Variants in RELT observed in about 807,000 individuals in gnomAD.
The protein encoded by RELT is tumor necrosis factor receptor superfamily member 19L.
Under a neutral mutation model 51.1 loss-of-function variants are expected in RELT, and 37 were observed. That is an observed-to-expected ratio of 0.72 (90% CI 0.56 to 0.95). The LOEUF (loss-of-function observed/expected upper bound fraction) is 0.95, where lower values mean the gene tolerates loss of function less well. RELT is among the 40% of genes least tolerant of loss of function. The pLI, the probability that RELT is intolerant of heterozygous loss-of-function variation, is 0.00. For missense variants in RELT, 535 were observed against 572.6 expected (o/e 0.93, Z 0.67); for synonymous variants, 241 against 235.7 (o/e 1.02, Z -0.21).
chr11:73,377,274 G>GTGTGTGTGTGTGTT (rs1865983398), intron 1 of RELT, among the ~76,000 whole-genome samples: 1 of 151,886 alleles, frequency 6.6e-6, no homozygotes, highest in African/African-American at 2.4e-5. Flanking sequence ...GTGTCAGTGT[G>GTGTGTGTGTGTGTT]TGTGTGTGTG....
In RELT at chr11:73,393,826, C is replaced by T; in HGVS notation, c.626-11C>T. On this transcript the variant is annotated splice_polypyrimidine_tract_variant and intron_variant, in intron 6 of 10. Coordinates refer to ENST00000064780, the MANE Select transcript of RELT (RefSeq NM_152222.2). ...CCTCTTCCCCAGGATCAGGGCCCTT[C>T]TCTTCCCCAGGAATCAACCCTGCCT... is the stretch of plus-strand genomic sequence containing the variant. 1 of 1,613,742 alleles carries T rather than the reference C, an allele frequency of 6.2e-7. No individual in the cohort carries two copies. Among genetic ancestry groups the T allele is most frequent in the South Asian group, 1.1e-5 (1 of 91,068 alleles).
At position 73,392,341 on chromosome 11, in the gene RELT, C is replaced by T. The variant is rs137866810; in HGVS notation, c.498C>T (p.Ile166=). ...PEETAAQYAV[I]AIVPVFCLMG... ...AGACAGCCGCCCAGTACGCGGTCAT[C>T]GCCATCGTCCCTGTCTTCTGCCTCA... is the stretch of plus-strand genomic sequence containing the variant. Residue 166 remains isoleucine (I), a synonymous_variant, in exon 6 of 11, where the codon ATC becomes ATT. Coordinates refer to ENST00000064780, the MANE Select transcript of RELT (RefSeq NM_152222.2). The T allele has an allele frequency of 3.5e-5, 56 of 1,613,772 alleles. No homozygotes were observed. The African/African-American group carries it at 6.4e-4, about 18-fold the overall frequency.
intron 1 of RELT, among the ~76,000 whole-genome samples, chr11:73,385,043 G>A (rs921826583): frequency 1.3e-5 from 2 of 152,088 alleles, no homozygotes; most frequent in South Asian, 2.1e-4. Context: ...GCGTCACGAC[G>A]CCATCCTGAG....
At position 73,394,068 on chromosome 11, in the gene RELT, T is replaced by C; in HGVS notation, c.706+151T>C. 3 of 928,656 alleles carry C rather than the reference T, an allele frequency of 3.2e-6. No individual in the cohort carries two copies. Among genetic ancestry groups the C allele is most frequent in the Non-Finnish European group, 5.1e-6 (3 of 590,524 alleles). The allele number at this position is 928,656 out of a possible 1,614,324, so 57.5% of individuals were successfully genotyped here. On this transcript the variant is annotated intron_variant, in intron 7 of 10. Coordinates refer to ENST00000064780, the MANE Select transcript of RELT (RefSeq NM_152222.2). This position sits in a 1 kb window ranked among gnomAD's most constrained non-coding sequence, Gnocchi z 4.9. ...AGCCTGGTGCTCTCTGACCCAGGAG[T>C]GCACACCTCTGCCTCCCATTCTTGC...
Position 73,393,856 on chromosome 11 carries a change from G to T in RELT, c.645G>T (p.Arg215=). Residue 215 remains arginine, a synonymous_variant, in exon 7 of 11, where the codon CGG becomes CGT. Coordinates refer to ENST00000064780, the MANE Select transcript of RELT (RefSeq NM_152222.2). ...CCCCAGGAATCAACCCTGCCTACCGGACTGAGGATGCCAATGAGGACACCA... is the reference window on the plus strand; with the variant it reads ...CCCCAGGAATCAACCCTGCCTACCGTACTGAGGATGCCAATGAGGACACCA... The part of the protein sequence containing the change: ...GGGSGINPAY[R]TEDANEDTIG... 1.2e-6 allele frequency: 2 copies of T among 1,614,080 alleles called. No individual in the cohort carries two copies. Among genetic ancestry groups the T allele is most frequent in the East Asian group, 2.2e-5 (1 of 44,874 alleles).
chr11:73,379,052 A>G (rs78504473), intron 1 of RELT, among the ~76,000 whole-genome samples: 9,696 of 152,198 alleles, frequency 0.064, 962 homozygotes, highest in African/African-American at 0.22. Context: ...TGTTCTTCCC[A>G]GAGACCCCTT....
chr11:73,393,547 G>A (rs1247298044), intron 6 of RELT: 11 of 1,347,140 alleles, frequency 8.2e-6, no homozygotes, highest in African/African-American at 5.9e-5. Context: ...AGACGCTGAC[G>A]CACCGCCCCC....
chr11:73,395,319 C>G (rs762085969), intron 10 of RELT, 34 bp downstream of exon 10: 23 of 1,608,626 alleles, frequency 1.4e-5, no homozygotes, highest in Admixed American at 1.2e-4. Context: ...CTGTTGGCAC[C>G]TGGGCCAACC....
In RELT at chr11:73,395,157, G is replaced by T. The variant is rs990049158; in HGVS notation, c.1117G>T (p.Ala373Ser). Residue 373 changes from alanine to serine, a missense_variant, in exon 10 of 11, where the codon GCT (alanine) becomes TCT (serine). Coordinates refer to ENST00000064780, the MANE Select transcript of RELT (RefSeq NM_152222.2). ...GTCTGAGGTGAAGACCATCACGGAG[G>T]CTGGGCCCTCGTGGGGTGATCTCCC... ...MVSEVKTITE[A>S]GPSWGDLPDS... is the part of the protein sequence containing the mutation. 4 of 1,613,562 alleles carry T rather than the reference G, an allele frequency of 2.5e-6. No individual in the cohort carries two copies. The South Asian group carries it at 3.3e-5, about 13-fold the overall frequency.
intron 5 of RELT, 41 bp from the exon 6 acceptor site, chr11:73,392,170 C>T: frequency 6.3e-7 from 1 of 1,597,876 alleles, no homozygotes; most frequent in Admixed American, 1.7e-5. Flanking sequence ...GTGTTTGTGT[C>T]ACTCTGCTTT....
At chr11:73,392,595 T>A in intron 6 of RELT, 127 bp downstream of exon 6, 1 of 1,420,802 alleles carries the variant, frequency 7.0e-7, no homozygotes, top group East Asian at 2.5e-5. Flanking sequence ...TGGGAGGTGA[T>A]AGCTGCAGAC....
At chr11:73,379,537 T>C (rs111301724) in intron 1 of RELT, among the ~76,000 whole-genome samples, 13 of 152,308 alleles carry the variant, frequency 8.5e-5, no homozygotes, top group African/African-American at 2.9e-4. Context: ...GAAGGAGAGA[T>C]TGAGGTTCTG....
intron 1 of RELT, among the ~76,000 whole-genome samples, chr11:73,381,192 A>G (rs898341896): frequency 2.0e-5 from 3 of 152,186 alleles, no homozygotes; most frequent in Non-Finnish European, 4.4e-5. Flanking sequence ...TGAGAGCTCT[A>G]TAAATAAGCT....
intron 6 of RELT, 140 bp from the exon 7 acceptor site, chr11:73,393,697 C>T (rs761273286): frequency 6.3e-7 from 1 of 1,580,792 alleles, no homozygotes; most frequent in Admixed American, 1.7e-5. Context: ...ATTTGCAGGG[C>T]TCTGGGAGGC....
chr11:73,392,447 G>C lies in RELT; in HGVS notation c.604G>C (p.Gly202Arg). The change falls in exon 6 of 11, where the codon GGC becomes CGC. Residue 202 changes from glycine (G) to arginine (R), a missense_variant. Transcript: ENST00000064780. ...HCTAHKEVGP[G>R]PGGGGSGINP... is the part of the protein sequence containing the mutation. ...CACGGCGCACAAGGAGGTCGGGCCC[G>C]GCCCTGGAGGTGGAGGCAGTGGTGA... 6.2e-7 allele frequency: 1 copy of C among 1,612,882 alleles called. No homozygotes were observed. The highest frequency in any genetic ancestry group is 8.5e-7 in the Non-Finnish European group (1 of 1,179,876).
rs754518792 is a variant in RELT, at chr11:73,394,633, C to T, written c.945C>T (p.Ala315=). The T allele has an allele frequency of 2.4e-5, 39 of 1,613,812 alleles. No homozygotes were observed. The East Asian group carries it at 8.5e-4, about 35-fold the overall frequency. Residue 315 remains alanine (A), a synonymous_variant, in exon 9 of 11, where the codon GCC becomes GCT. Transcript: ENST00000064780. This position sits in a 1 kb window ranked among gnomAD's most constrained non-coding sequence, Gnocchi z 4.9. The part of the protein sequence containing the change: ...EVLLSPEAVA[A]TTPVPSLLPN... ...TGCTGTCCCCTGAGGCTGTAGCCGC[C>T]ACTACTCCTGTTCCCAGCCTTCTGC...
chr11:73,395,621 C>T lies in RELT; in HGVS notation c.*130C>T. The T allele has an allele frequency of 2.7e-6, 2 of 729,462 alleles. No individual in the cohort carries two copies. The highest frequency in any genetic ancestry group is 5.1e-6 in the Non-Finnish European group (2 of 393,412). The allele number at this position is 729,462 out of a possible 1,614,324, so 45.2% of individuals were successfully genotyped here. On this transcript the variant is annotated 3_prime_UTR_variant, in exon 11 of 11. Coordinates refer to ENST00000064780, the MANE Select transcript of RELT (RefSeq NM_152222.2). Reference sequence around the variant, plus strand: ...GGCCCAGCAGACGAGACAGCAAAGACCAAGGCCTGGAGGTGGGAGCGTCTG... The same window carrying T: ...GGCCCAGCAGACGAGACAGCAAAGATCAAGGCCTGGAGGTGGGAGCGTCTG...
chr11:73,379,132 C>A (rs1254163045), intron 1 of RELT, among the ~76,000 whole-genome samples: 1 of 152,192 alleles, frequency 6.6e-6, no homozygotes, highest in African/African-American at 2.4e-5. Context: ...TCGGTCCTCT[C>A]TGCAATGACT....
rs75226028 is a variant in RELT at position 73,388,614 on chromosome 11, T to C, written c.-25-498T>C. Among the ~76,000 whole-genome samples, 8,546 of 152,282 alleles carry C rather than the reference T, an allele frequency of 0.056. 284 individuals carry two copies. Among genetic ancestry groups the C allele is most frequent in the African/African-American group, 0.079 (3,300 of 41,554 alleles). The stretch of plus-strand genomic sequence containing the variant: ...GAAGGGTAAAGGAAAAGGCCTTCCT[T>C]GGACCAGAACCAGCAGGAGTGAAGG... On this transcript the variant is annotated intron_variant, in intron 1 of 10. Coordinates refer to ENST00000064780, the MANE Select transcript of RELT (RefSeq NM_152222.2). The surrounding 1 kb of genome is among the most constrained non-coding windows in gnomAD (Gnocchi z 4.1).
Sources: allele counts gnomAD v4.1 joint callset (sites outside exome capture counted in the v4.1 genomes callset), GRCh38; gene constraint gnomAD v4.1.1; non-coding constraint Gnocchi (gnomAD v3.1); transcripts MANE v1.5; gene names NCBI Gene and HGNC (gene_info 2026-07-23, HGNC 2026-07-21).